STXBP3: variants seen among roughly 807,000 people sequenced by gnomAD.
STXBP3 encodes the protein syntaxin-binding protein 3.
Under a neutral mutation model 85.7 loss-of-function variants are expected in STXBP3, and 41 were observed. The observed-to-expected ratio is 0.48, with a 90% CI of 0.37 to 0.62. The LOEUF (loss-of-function observed/expected upper bound fraction) is 0.62. Ranked by LOEUF, STXBP3 falls within the 20% of genes least tolerant of loss-of-function variation. The pLI, the probability that STXBP3 is intolerant of heterozygous loss-of-function variation, is 0.00. For missense variants in STXBP3, 563 were observed against 703.1 expected (o/e 0.80, Z 2.25); for synonymous variants, 229 against 231.7 (o/e 0.99, Z 0.10).
chr1:108,808,683 G>GCTA, intron 18 of STXBP3, 100 bp from the exon 19 acceptor site: 1 of 879,542 alleles, frequency 1.1e-6, no homozygotes, highest in Non-Finnish European at 1.8e-6. Context: ...ATTACCCCAG[G>GCTA]CTACTGCACT....
rs573635053 is a variant in STXBP3, at chr1:108,776,495, C to T, written c.684+72C>T. The T allele has an allele frequency of 2.1e-4, 241 of 1,157,874 alleles. No individual in the cohort carries two copies. In the African/African-American group the frequency reaches 2.9e-3, roughly 14 times the overall value. The allele number at this position is 1,157,874 out of a possible 1,614,324, so 71.7% of individuals were successfully genotyped here. On this transcript the variant is annotated intron_variant, in intron 8 of 18. Transcript: ENST00000370008. ...TTTCTTTATAAGCCAAAGAAACTTG[C>T]TCATTCATTTTCTAGTATTGATTTG...
chr1:108,782,809 T>C, intron 11 of STXBP3, 103 bp downstream of exon 11: 2 of 1,107,008 alleles, frequency 1.8e-6, no homozygotes, highest in South Asian at 1.7e-5. Flanking sequence ...TGGAAAGTTC[T>C]AACATGGAGG....
At chr1:108,776,568 TACAC>T (rs942606122) in intron 8 of STXBP3, 145 bp downstream of exon 8, 2 of 532,844 alleles carry the variant, frequency 3.8e-6, no homozygotes, top group Non-Finnish European at 6.5e-6. Context: ...ATCATTAACA[TACAC>T]AATCGTGCAA....
chr1:108,764,808 C>T (rs1309860991), intron 6 of STXBP3, among the ~76,000 whole-genome samples: 2 of 152,100 alleles, frequency 1.3e-5, no homozygotes, highest in Non-Finnish European at 2.9e-5. Context: ...TTTGCAAATA[C>T]TTTCTCCCAT....
intron 7 of STXBP3, 140 bp downstream of exon 7, chr1:108,772,959 T>C: frequency 1.3e-6 from 1 of 794,866 alleles, no homozygotes; most frequent in Non-Finnish European, 1.7e-6. Flanking sequence ...ATATAGGAGA[T>C]TTAAAGCTTG....
At chr1:108,766,034 A>C (rs991708370) in intron 6 of STXBP3, among the ~76,000 whole-genome samples, 1 of 151,574 alleles carries the variant, frequency 6.6e-6, no homozygotes, top group African/African-American at 2.4e-5. Context: ...TTGTATTTTT[A>C]GTAGAGACTG....
chr1:108,790,416 A>G (rs1402807709), intron 11 of STXBP3, among the ~76,000 whole-genome samples: 2 of 152,034 alleles, frequency 1.3e-5, no homozygotes, highest in Non-Finnish European at 2.9e-5. Flanking sequence ...TAGTGTTTAC[A>G]TAGTATATCT....
intron 1 of STXBP3, among the ~76,000 whole-genome samples, chr1:108,750,003 C>G (rs1661868134): frequency 6.6e-6 from 1 of 152,046 alleles, no homozygotes; most frequent in Non-Finnish European, 1.5e-5. Flanking sequence ...TATCTCAGTT[C>G]AGACTAGCCA....
At chr1:108,765,143 C>G (rs1662232189) in intron 6 of STXBP3, among the ~76,000 whole-genome samples, 2 of 152,156 alleles carry the variant, frequency 1.3e-5, no homozygotes, top group African/African-American at 4.8e-5. Flanking sequence ...GGAGTCCTTT[C>G]CACATTGTTC....
chr1:108,772,841 CAT>C (rs776968855), intron 7 of STXBP3, 22 bp downstream of exon 7: 36 of 1,556,810 alleles, frequency 2.3e-5, no homozygotes, highest in Non-Finnish European at 2.7e-5. Flanking sequence ...AGCATCTGCA[CAT>C]GTTATGCTTC....
In STXBP3 at chr1:108,795,069, C is replaced by T. The variant is rs1421110261; in HGVS notation, c.1110+162C>T. 2.6e-5 allele frequency among the ~76,000 whole-genome samples: 4 copies of T among 152,120 alleles called. No individual in the cohort carries two copies. In the East Asian group the frequency reaches 5.8e-4, roughly 22 times the overall value. On this transcript the variant is annotated intron_variant, in intron 13 of 18. Coordinates refer to ENST00000370008, the MANE Select transcript of STXBP3 (RefSeq NM_007269.4). ...CTAGGCAGTATTTAATGTCATTCCC[C>T]GCTAACATTAACAAGTAGCTGTAGA... is the stretch of plus-strand genomic sequence containing the variant.
intron 11 of STXBP3, 55 bp from the exon 12 acceptor site, chr1:108,793,527 A>G (rs1322729810): frequency 1.4e-6 from 2 of 1,410,904 alleles, no homozygotes; most frequent in African/African-American, 2.9e-5. Flanking sequence ...TCAAAGTTGT[A>G]ATATGGAATA....
At chr1:108,752,954 C>G (rs767324987) in intron 2 of STXBP3, 109 bp from the exon 3 acceptor site, 20 of 740,948 alleles carry the variant, frequency 2.7e-5, no homozygotes, top group Non-Finnish European at 4.1e-5. Flanking sequence ...GCCTACTGTT[C>G]TGATATTTTG....
intron 6 of STXBP3, among the ~76,000 whole-genome samples, chr1:108,768,010 AT>A (rs1662305934): frequency 6.6e-6 from 1 of 152,164 alleles, no homozygotes; most frequent in Non-Finnish European, 1.5e-5. Context: ...AACTGAGAAA[AT>A]TTTTTAGCTG....
chr1:108,753,414 T>TAC (rs1359065796), intron 3 of STXBP3, among the ~76,000 whole-genome samples: 2 of 151,832 alleles, frequency 1.3e-5, no homozygotes, highest in African/African-American at 4.8e-5. Flanking sequence ...CATATATATA[T>TAC]ATAAAACAAT....
At chr1:108,771,380 A>ATC (rs1557805387) in intron 6 of STXBP3, among the ~76,000 whole-genome samples, 1 of 109,382 alleles carries the variant, frequency 9.1e-6, no homozygotes, top group East Asian at 2.1e-4. Flanking sequence ...ATATATATAT[A>ATC]ATATATAAAT....
intron 1 of STXBP3, among the ~76,000 whole-genome samples, chr1:108,750,228 G>A (rs115073954): frequency 1.7e-3 from 257 of 152,116 alleles, no homozygotes; most frequent in African/African-American, 6.1e-3. Context: ...AGCTGTTTGA[G>A]GTATAAGGAA....
chr1:108,790,682 C>T (rs1662956400), intron 11 of STXBP3, among the ~76,000 whole-genome samples: 1 of 151,744 alleles, frequency 6.6e-6, no homozygotes, highest in African/African-American at 2.4e-5. Context: ...TCCATTTCAT[C>T]TCCAATATAA....
intron 4 of STXBP3, 29 bp downstream of exon 4, chr1:108,756,795 G>T (rs768084459): frequency 1.2e-4 from 175 of 1,503,122 alleles, no homozygotes; most frequent in Non-Finnish European, 1.5e-4. Flanking sequence ...TAAAAAGCAG[G>T]TTCATCAATA....
Sources: gnomAD v4.1 joint callset for allele counts (sites outside exome capture counted in the v4.1 genomes callset) on GRCh38, gnomAD v4.1.1 for gene constraint, MANE v1.5 for transcripts, NCBI Gene and HGNC (gene_info 2026-07-23, HGNC 2026-07-21) for gene names.